Variants in KIF21A observed in about 807,000 individuals in gnomAD.
KIF21A encodes the protein kinesin-like protein KIF21A.
Under a neutral mutation model 202.9 loss-of-function variants are expected in KIF21A, and 114 were observed. The ratio of observed to expected loss-of-function variants is 0.56; its 90% CI spans 0.48 to 0.66. The LOEUF is 0.66. Ranked by LOEUF, KIF21A falls within the 30% of genes least tolerant of loss-of-function variation. The pLI, the probability that KIF21A is intolerant of heterozygous loss-of-function variation, is 0.00. For synonymous variants in KIF21A, 667 were observed against 670.8 expected, an observed-to-expected ratio of 0.99 and a Z score of 0.09; for missense variants, 1,677 against 1,994.9, an observed-to-expected ratio of 0.84 and a Z score of 3.04.
Position 39,416,752 on chromosome 12 carries a change from CAT to C in KIF21A, c.44+26173_44+26174del, listed in dbSNP as rs1175387027. ...ATATATATGTGTATATATATATGTA[CAT>C]ATATATGTGTATATATATATGTACA... On this transcript the variant is annotated intron_variant, in intron 1 of 37. Coordinates refer to ENST00000361418, the MANE Select transcript of KIF21A (RefSeq NM_001173464.2). Among the ~76,000 whole-genome samples, 27 of 104,494 alleles carry C rather than the reference CAT, an allele frequency of 2.6e-4. 1 individual carries two copies. Among genetic ancestry groups the C allele is most frequent in the South Asian group, 1.9e-3 (6 of 3,242 alleles). 68.6% of individuals were successfully genotyped at this position (104,494 alleles called of 152,430 possible). A position where few individuals can be genotyped will look rare whatever the true frequency, so the allele number is the denominator to read the frequency against.
Position 39,370,038 on chromosome 12 carries a change from C to T in KIF21A, c.267+1G>A. The T allele has an allele frequency of 6.2e-7, 1 of 1,610,466 alleles. No individual in the cohort carries two copies. The highest frequency in any genetic ancestry group is 8.5e-7 in the Non-Finnish European group (1 of 1,176,830). ...TCCTATGAAAATAATATGGCACTTA[C>T]TTGTCCATAAGCAAAAACTGTAGCA... On this transcript the variant is annotated splice_donor_variant, in intron 2 of 37. Transcript: ENST00000361418. LOFTEE classifies it high-confidence loss of function.
intron 23 of KIF21A, 63 bp from the exon 24 acceptor site, chr12:39,330,325 TA>T: frequency 1.4e-6 from 2 of 1,431,966 alleles, no homozygotes; most frequent in South Asian, 1.1e-5. Flanking sequence ...GATCCAATGT[TA>T]AAAACTCCCA....
intron 34 of KIF21A, among the ~76,000 whole-genome samples, chr12:39,305,642 A>G (rs1335120335): frequency 3.9e-5 from 6 of 152,200 alleles, no homozygotes; most frequent in African/African-American, 1.4e-4. Context: ...AAGTTATTCC[A>G]AAGCTGACTA....
intron 27 of KIF21A, chr12:39,321,346 A>G (rs537052740): frequency 7.2e-5 from 11 of 152,210 alleles, no homozygotes; most frequent in Non-Finnish European, 5.9e-5. Flanking sequence ...CAAATAGATT[A>G]CCTGAATCTG....
chr12:39,440,015 T>C (rs1166969696), intron 1 of KIF21A, among the ~76,000 whole-genome samples: 1 of 152,212 alleles, frequency 6.6e-6, no homozygotes, highest in African/African-American at 2.4e-5. Flanking sequence ...TGATTTTGTA[T>C]ATAGACACAC....
In KIF21A at chr12:39,386,358, G is replaced by A. The variant is rs113790870; in HGVS notation, c.45-16097C>T. ...TGAATCAATAAGATAGAAAGATCCC[G>A]GGACACCAACACAATGGTACTTATC... On this transcript the variant is annotated intron_variant, in intron 1 of 37. Transcript: ENST00000361418. Among the ~76,000 whole-genome samples the A allele has an allele frequency of 2.2e-3, 329 of 152,262 alleles. 3 individuals carry two copies. The highest frequency in any genetic ancestry group is 7.2e-3 in the African/African-American group (298 of 41,550).
intron 1 of KIF21A, among the ~76,000 whole-genome samples, chr12:39,372,571 T>C (rs943587889): frequency 6.6e-6 from 1 of 152,174 alleles, no homozygotes; most frequent in African/African-American, 2.4e-5. Flanking sequence ...TACTGTATTA[T>C]AGAAAAGGGA....
At chr12:39,427,108 A>G (rs1489494568) in intron 1 of KIF21A, among the ~76,000 whole-genome samples, 1 of 152,050 alleles carries the variant, frequency 6.6e-6, no homozygotes, top group East Asian at 1.9e-4. Flanking sequence ...ATCATCTTGC[A>G]TTTCCCCATC....
chr12:39,330,931 T>G lies in KIF21A; in HGVS notation c.3154-20A>C. The G allele has an allele frequency of 6.2e-7, 1 of 1,613,042 alleles. No individual in the cohort carries two copies. Among genetic ancestry groups the G allele is most frequent in the Non-Finnish European group, 8.5e-7 (1 of 1,179,104 alleles). ...AAGACCCTGAAACACAACAAAAAAT[T>G]ATCTTAGGTCATACGAAACAGGATC... is the stretch of plus-strand genomic sequence containing the variant. On this transcript the variant is annotated intron_variant, in intron 22 of 37. Coordinates refer to ENST00000361418, the MANE Select transcript of KIF21A (RefSeq NM_001173464.2).
chr12:39,389,300 T>C (rs193103240), intron 1 of KIF21A, among the ~76,000 whole-genome samples: 1 of 152,132 alleles, frequency 6.6e-6, no homozygotes, highest in African/African-American at 2.4e-5. Context: ...TGTTTCACAG[T>C]TCACATATGC....
In KIF21A at chr12:39,357,369, T is replaced by C. The variant is rs1429826309; in HGVS notation, c.1284A>G (p.Leu428=). The stretch of plus-strand genomic sequence containing the variant: ...CACGCAGGTTATTATTTTCAGTCTG[T>C]AGCATAGCATTCTCATGAAACATGT... ...INDMFHENAM[L]QTENNNLRVR... is the part of the protein sequence containing the mutation. Residue 428 remains leucine, a synonymous_variant, in exon 9 of 38, where the codon CTA becomes CTG. Transcript: ENST00000361418. The C allele has an allele frequency of 1.9e-6, 3 of 1,614,004 alleles. No homozygotes were observed.
chr12:39,295,072 T>C (rs945278116), intron 37 of KIF21A, among the ~76,000 whole-genome samples: 10 of 152,058 alleles, frequency 6.6e-5, no homozygotes, highest in Non-Finnish European at 1.2e-4. Context: ...GAATTATCTC[T>C]GGGTAAACTC....
intron 1 of KIF21A, among the ~76,000 whole-genome samples, chr12:39,413,501 C>T (rs1024121418): frequency 6.6e-6 from 1 of 152,216 alleles, no homozygotes; most frequent in Non-Finnish European, 1.5e-5. Context: ...TACCTCACTT[C>T]TTTATTCTAA....
At position 39,355,707 on chromosome 12, in the gene KIF21A, TTATATATATATATA is replaced by T. The variant is rs10580436; in HGVS notation, c.1469+1111_1469+1124del. ...TACCAAAAACATGAAGCATGAACAA[TTATATATATATATA>T]TATATATATATATGTTATATGCATA... On this transcript the variant is annotated intron_variant, in intron 10 of 37. Transcript: ENST00000361418. Among the ~76,000 whole-genome samples the T allele has an allele frequency of 8.4e-4, 85 of 101,232 alleles. 2 individuals carry two copies. The highest frequency in any genetic ancestry group is 3.9e-3 in the African/African-American group (81 of 20,632). The allele number at this position is 101,232 out of a possible 152,430, so 66.4% of individuals were successfully genotyped here.
chr12:39,369,854 C>T lies in KIF21A; in HGVS notation c.325G>A (p.Glu109Lys). The T allele has an allele frequency of 1.2e-6, 2 of 1,613,182 alleles. No homozygotes were observed. Among genetic ancestry groups the T allele is most frequent in the South Asian group, 1.1e-5 (1 of 91,074 alleles). ...GCTCGAGAAATAATACCCAGTTCTT[C>T]CTCAACAATGTTAACATCAAATCCT... ...GTGFDVNIVE[E>K]ELGIISRAVK... Residue 109 changes from glutamate to lysine, a missense_variant, in exon 3 of 38, where the codon GAA (glutamate) becomes AAA (lysine). By Grantham distance (56) the Glu-to-Lys change is moderately conservative. Transcript: ENST00000361418.
In KIF21A at chr12:39,341,546, C is replaced by A. The variant is rs79089655; in HGVS notation, c.1880G>T (p.Gly627Val). 0.044 allele frequency: 70,488 copies of A among 1,612,416 alleles called. 1,786 individuals carry two copies. Among genetic ancestry groups the A allele is most frequent in the Non-Finnish European group, 0.05 (58,375 of 1,178,952 alleles). ...AGAATCTGATTCATCAGAACTTTCA[C>A]CCCCATCAATGTCATCTTCCTCCTC... is the stretch of plus-strand genomic sequence containing the variant. ...EEEEEDDIDGGESSDESDSES... is the reference protein window; with the variant it reads ...EEEEEDDIDGVESSDESDSES... Residue 627 changes from glycine to valine, a missense_variant, in exon 14 of 38, where the codon GGT becomes GTT. Gly to Val is a moderately radical substitution (Grantham distance 109). Coordinates refer to ENST00000361418, the MANE Select transcript of KIF21A (RefSeq NM_001173464.2).
intron 35 of KIF21A, 68 bp from the exon 36 acceptor site, chr12:39,303,203 C>G: frequency 7.5e-7 from 1 of 1,329,112 alleles, no homozygotes; most frequent in Non-Finnish European, 1.1e-6. Flanking sequence ...TTGTACAGTC[C>G]TAGAAACACA....
At chr12:39,332,870 A>G (rs1466860750) in intron 19 of KIF21A, 23 bp downstream of exon 19, 14 of 1,611,720 alleles carry the variant, frequency 8.7e-6, no homozygotes, top group Non-Finnish European at 1.1e-5. Flanking sequence ...AGATTACATC[A>G]GCAGGAACAG....
chr12:39,294,221 T>A lies in KIF21A; in HGVS notation c.*203A>T. On this transcript the variant is annotated 3_prime_UTR_variant, in exon 38 of 38. Transcript: ENST00000361418. Reference sequence around the variant, plus strand: ...CAATATATCAATTGTAGGATATATATCTATTGGTTGATCTTAAAACTAAGC... The same window carrying A: ...CAATATATCAATTGTAGGATATATAACTATTGGTTGATCTTAAAACTAAGC... 1 of 527,804 alleles carries A rather than the reference T, an allele frequency of 1.9e-6. No individual in the cohort carries two copies. The highest frequency in any genetic ancestry group is 3.4e-6 in the Non-Finnish European group (1 of 291,202). 32.7% of individuals were successfully genotyped at this position (527,804 alleles called of 1,614,324 possible). A position where few individuals can be genotyped will look rare whatever the true frequency, so the allele number is the denominator to read the frequency against.
Sources: allele counts gnomAD v4.1 joint callset (sites outside exome capture counted in the v4.1 genomes callset), GRCh38; gene constraint gnomAD v4.1.1; transcripts MANE v1.5; gene names NCBI Gene and HGNC (gene_info 2026-07-23, HGNC 2026-07-21).